Variants in TASOR2 observed in about 807,000 individuals in gnomAD.
TASOR2 encodes transcription activation suppressor family member 2.
A neutral mutation model predicts 199.5 loss-of-function variants in TASOR2; 84 were observed. That is an observed-to-expected ratio of 0.42 (90% CI 0.35 to 0.50). The LOEUF (loss-of-function observed/expected upper bound fraction) is 0.50, where lower values mean the gene tolerates loss of function less well. Among genes scored for constraint, TASOR2 ranks in the 20% least tolerant of loss-of-function variants. TASOR2 has a pLI of 0.02. For missense variants in TASOR2, 2,796 were observed against 2,835.9 expected (o/e 0.99, Z 0.32); for synonymous variants, 1,103 against 1,046.6 (o/e 1.05, Z -1.04).
At chr10:5,735,092 A>T (rs907823276) in intron 11 of TASOR2, among the ~76,000 whole-genome samples, 2 of 152,090 alleles carry the variant, frequency 1.3e-5, no homozygotes, top group African/African-American at 4.8e-5. Context: ...ATATAGGCAG[A>T]CACTTAGCAA....
intron 1 of TASOR2, among the ~76,000 whole-genome samples, chr10:5,686,703 C>CAATTAAAAT (rs1835853657): frequency 6.6e-6 from 1 of 152,178 alleles, no homozygotes; most frequent in South Asian, 2.1e-4. Flanking sequence ...ATATCTTAGC[C>CAATTAAAAT]ACCTAGTAAT....
intron 2 of TASOR2, among the ~76,000 whole-genome samples, chr10:5,713,418 G>A (rs550318693): frequency 3.9e-5 from 6 of 152,208 alleles, no homozygotes; most frequent in Admixed American, 6.5e-5. Flanking sequence ...GGAAAGGACC[G>A]TGTACAGGGT....
chr10:5,762,950 C>A, intron 20 of TASOR2, 79 bp from the exon 22 acceptor site: 1 of 1,386,160 alleles, frequency 7.2e-7, no homozygotes. Flanking sequence ...GCGTTTTCCC[C>A]ATTAGAGCAT....
exon 15 of TASOR2, chr10:5,746,783 C>G: frequency 1.2e-6 from 2 of 1,614,184 alleles, no homozygotes; most frequent in Non-Finnish European, 1.7e-6. Context: ...CAGAAGGGCA[C>G]TAAGTACCTT....
chr10:5,712,069 G>T, intron 1 of TASOR2: 1 of 174,864 alleles, frequency 5.7e-6, no homozygotes. Flanking sequence ...AGTCTAAGCA[G>T]CTCCTGACCA....
At position 5,701,634 on chromosome 10, in the gene TASOR2, TTCA is replaced by T. The variant is rs773496077; in HGVS notation, c.-287-11184_-287-11182del. Among the ~76,000 whole-genome samples, 1 of 152,186 alleles carries T rather than the reference TTCA, an allele frequency of 6.6e-6. No individual in the cohort carries two copies. The highest frequency in any genetic ancestry group is 1.5e-5 in the Non-Finnish European group (1 of 68,022). ...TTTTTTAATGTCCACTTCAATTTCT[TTCA>T]TCATTGTTTTATAGTTTTTCTTGTA... On this transcript the variant is annotated intron_variant, in intron 1 of 20. Transcript: ENST00000328090. This position sits in a 1 kb window ranked among gnomAD's most constrained non-coding sequence, Gnocchi z 4.9.
At chr10:5,694,347 A>G (rs1323778270) in intron 1 of TASOR2, among the ~76,000 whole-genome samples, 1 of 152,188 alleles carries the variant, frequency 6.6e-6, no homozygotes, top group Non-Finnish European at 1.5e-5. Flanking sequence ...TGGAAAACTA[A>G]TTGATTAATT....
rs781609016 is a variant in TASOR2, at chr10:5,757,691, T to C, written c.6886+18T>C. On this transcript the variant is annotated intron_variant, in intron 17 of 20. Coordinates refer to ENST00000328090, the Ensembl canonical transcript of TASOR2. ...AACATTAGGTTGGTCTTTATTTTCT[T>C]TTCCTGTTTCTTTGAAGTCAGATCA... 2 of 1,610,788 alleles carry C rather than the reference T, an allele frequency of 1.2e-6. No homozygotes were observed. Among genetic ancestry groups the C allele is most frequent in the Non-Finnish European group, 8.5e-7 (1 of 1,178,916 alleles).
intron 19 of TASOR2, 25 bp from the exon 21 acceptor site, chr10:5,762,507 A>AG (rs879682024): frequency 2.1e-6 from 1 of 470,230 alleles, no homozygotes; most frequent in Admixed American, 7.5e-5. Context: ...ATTAACCAAA[A>AG]GTTGTTTTTT....
At chr10:5,712,318 G>C in intron 1 of TASOR2, 1 of 1,040,154 alleles carries the variant, frequency 9.6e-7, no homozygotes, top group South Asian at 5.0e-5. Context: ...TGTTTTGAGT[G>C]ATATTCAGTG....
rs1051640275 is a variant in TASOR2, at chr10:5,698,105, A to G, written c.-288+12930A>G. On this transcript the variant is annotated intron_variant, in intron 1 of 20. Transcript: ENST00000328090. This position sits in a 1 kb window ranked among gnomAD's most constrained non-coding sequence, Gnocchi z 4.4. ...AGTTCCTTTCATTAAAGTGACAGAG[A>G]TATTTCCCTACTCCTTGACTTTGTG... Among the ~76,000 whole-genome samples the G allele has an allele frequency of 3.3e-5, 5 of 152,206 alleles. No individual in the cohort carries two copies. The highest frequency in any genetic ancestry group is 7.3e-5 in the Non-Finnish European group (5 of 68,032).
intron 11 of TASOR2, among the ~76,000 whole-genome samples, chr10:5,731,802 A>G (rs566567415): frequency 2.0e-5 from 3 of 152,336 alleles, no homozygotes; most frequent in African/African-American, 4.8e-5. Flanking sequence ...AAGAAAGACA[A>G]CCATCTAGTT....
In TASOR2 at chr10:5,727,179, T is replaced by C. The variant is rs1423474221; in HGVS notation, c.487+56T>C. The C allele has an allele frequency of 1.0e-5, 16 of 1,588,160 alleles. No individual in the cohort carries two copies. The East Asian group carries it at 3.4e-4, about 33-fold the overall frequency. On this transcript the variant is annotated intron_variant, in intron 10 of 20. Coordinates refer to ENST00000328090, the Ensembl canonical transcript of TASOR2. Reference sequence around the variant, plus strand: ...GTCTGTTGGATATATTTAGTCCTCATCTGACTTGACCTCTCAGCAGCACGT... The same window carrying C: ...GTCTGTTGGATATATTTAGTCCTCACCTGACTTGACCTCTCAGCAGCACGT...
rs1330362410 is a variant in TASOR2 at position 5,740,174 on chromosome 10, A to G, written c.2004A>G (p.Leu668=). The G allele has an allele frequency of 6.2e-7, 1 of 1,614,104 alleles. No homozygotes were observed. The highest frequency in any genetic ancestry group is 8.5e-7 in the Non-Finnish European group (1 of 1,180,050). The change falls in exon 13 of 21, where the codon CTA becomes CTG. Residue 668 remains leucine (L), a synonymous_variant. Transcript: ENST00000328090. This position sits in a 1 kb window ranked among gnomAD's most constrained non-coding sequence, Gnocchi z 5.3. ...TTACAGAACATTCAAAGAAACATCT[A>G]CAGGAGAGAGAGATACTAAGCCCTC...
At chr10:5,744,618 GGTTT>G (rs1310750779) in intron 14 of TASOR2, among the ~76,000 whole-genome samples, 11 of 151,814 alleles carry the variant, frequency 7.2e-5, no homozygotes, top group Non-Finnish European at 1.0e-4. Context: ...ATGGTTGGTT[GGTTT>G]GTTTGTTTTG....
exon 2 of TASOR2, chr10:5,712,886 T>A (rs1229498402): frequency 8.1e-6 from 10 of 1,231,246 alleles, no homozygotes; most frequent in Non-Finnish European, 9.1e-6. Context: ...TCAAGACACT[T>A]ACGGGTTTCT....
intron 12 of TASOR2, among the ~76,000 whole-genome samples, chr10:5,736,856 G>T (rs1179332542): frequency 1.3e-5 from 2 of 151,870 alleles, no homozygotes; most frequent in Non-Finnish European, 2.9e-5. Flanking sequence ...ATCTTTCTAT[G>T]AGTTTTCTGT....
At chr10:5,691,023 A>C (rs1183196650) in intron 1 of TASOR2, among the ~76,000 whole-genome samples, 1 of 151,892 alleles carries the variant, frequency 6.6e-6, no homozygotes, top group African/African-American at 2.4e-5. Flanking sequence ...AAACCCTGTC[A>C]CTACTAAAAT....
chr10:5,716,814 C>T (rs1832710952), intron 2 of TASOR2, among the ~76,000 whole-genome samples: 1 of 151,704 alleles, frequency 6.6e-6, no homozygotes, highest in African/African-American at 2.4e-5. Context: ...ACTCAGGTGG[C>T]CAAGACTCGA....
Sources: allele counts gnomAD v4.1 joint callset (sites outside exome capture counted in the v4.1 genomes callset), GRCh38; gene constraint gnomAD v4.1.1; non-coding constraint Gnocchi (gnomAD v3.1); transcripts MANE v1.5; gene names NCBI Gene and HGNC (gene_info 2026-07-23, HGNC 2026-07-21).